HYDIN: variants seen among roughly 807,000 people sequenced by gnomAD.
The protein encoded by HYDIN is axonemal central pair apparatus protein HYDIN.
A neutral mutation model predicts 403.9 loss-of-function variants in HYDIN; 132 were observed. That is an observed-to-expected ratio of 0.33 (90% CI 0.28 to 0.38). The LOEUF is 0.38. Among genes scored for constraint, HYDIN ranks in the 10% least tolerant of loss-of-function variants. The pLI is 1.00. For missense variants in HYDIN, 2,827 were observed against 5,009.5 expected, an observed-to-expected ratio of 0.56 and a Z score of 13.15; for synonymous variants, 1,202 against 1,891.7, an observed-to-expected ratio of 0.64 and a Z score of 9.46.
chr16:71,196,914 T>A (rs1022598956), intron 1 of HYDIN, among the ~76,000 whole-genome samples: 2 of 152,334 alleles, frequency 1.3e-5, no homozygotes, highest in South Asian at 2.1e-4. Context: ...TTGTTTAGCA[T>A]ATAATCAATA....
intron 18 of HYDIN, among the ~76,000 whole-genome samples, chr16:71,038,674 C>A (rs2081181252): frequency 6.6e-6 from 1 of 152,298 alleles, no homozygotes. Context: ...AAAAAAATTT[C>A]TTTTGAGAAG....
At chr16:70,886,780 G>T (rs1327965953) in intron 58 of HYDIN, among the ~76,000 whole-genome samples, 1 of 152,150 alleles carries the variant, frequency 6.6e-6, no homozygotes, top group Non-Finnish European at 1.5e-5. Context: ...GAAATCTGCT[G>T]TCATTCAAGG....
Position 70,974,160 on chromosome 16 carries a change from C to T in HYDIN, c.5037+13G>A, listed in dbSNP as rs112801979. Reference sequence around the variant, plus strand: ...AACCTGCAGGTCCGGGTGGGCCCAGCGGTGCCTTGTACCTTGATGGGCAGA... The same window carrying T: ...AACCTGCAGGTCCGGGTGGGCCCAGTGGTGCCTTGTACCTTGATGGGCAGA... On this transcript the variant is annotated intron_variant, in intron 33 of 85. Coordinates refer to ENST00000393567, the MANE Select transcript of HYDIN (RefSeq NM_001270974.2). 1.2e-5 allele frequency: 18 copies of T among 1,518,536 alleles called. No individual in the cohort carries two copies. The highest frequency in any genetic ancestry group is 1.8e-4 in the Middle Eastern group (1 of 5,542). 94.1% of individuals were successfully genotyped at this position (1,518,536 alleles called of 1,614,324 possible). A position where few individuals can be genotyped will look rare whatever the true frequency, so the allele number is the denominator to read the frequency against.
chr16:71,168,715 A>G (rs1274126540), intron 5 of HYDIN, among the ~76,000 whole-genome samples: 1 of 152,170 alleles, frequency 6.6e-6, no homozygotes, highest in African/African-American at 2.4e-5. Context: ...GCAGGGCAGA[A>G]GGAGGAGGGC....
intron 73 of HYDIN, among the ~76,000 whole-genome samples, chr16:70,853,380 T>C (rs1223018973): frequency 2.0e-5 from 3 of 151,006 alleles, no homozygotes; most frequent in Non-Finnish European, 4.4e-5. Flanking sequence ...TTTTCCCCAG[T>C]GACATGAAGA....
intron 39 of HYDIN, among the ~76,000 whole-genome samples, chr16:70,956,719 C>T (rs1420587679): frequency 3.9e-5 from 6 of 152,266 alleles, no homozygotes; most frequent in African/African-American, 1.2e-4. Flanking sequence ...GACAAGGAAA[C>T]GGATTGTCCC....
chr16:70,845,877 C>A (rs1420741901), intron 75 of HYDIN, among the ~76,000 whole-genome samples: 1 of 141,768 alleles, frequency 7.1e-6, no homozygotes, highest in South Asian at 2.1e-4. Context: ...TCTGTGGGAT[C>A]GGTGGTGATA....
intron 28 of HYDIN, 69 bp from the exon 29 acceptor site, chr16:70,981,637 C>T: frequency 6.9e-7 from 1 of 1,450,350 alleles, no homozygotes; most frequent in Non-Finnish European, 9.1e-7. Flanking sequence ...CATTAAATTA[C>T]TTAAAACAAC....
At chr16:71,189,821 G>A (rs2087340720) in intron 1 of HYDIN, among the ~76,000 whole-genome samples, 2 of 150,906 alleles carry the variant, frequency 1.3e-5, no homozygotes, top group African/African-American at 2.4e-5. Flanking sequence ...AATGAGATAT[G>A]CTGTCAAAAC....
chr16:70,939,393 A>T (rs927431424), intron 43 of HYDIN, among the ~76,000 whole-genome samples: 11 of 152,078 alleles, frequency 7.2e-5, no homozygotes, highest in African/African-American at 2.4e-4. Context: ...ACCACTTCTC[A>T]TTTTCCCCAT....
chr16:71,042,495 AT>A (rs1258310790), intron 18 of HYDIN, among the ~76,000 whole-genome samples: 5 of 151,026 alleles, frequency 3.3e-5, no homozygotes, highest in African/African-American at 1.2e-4. Context: ...TCTTCTCTTC[AT>A]CCTCCCAATA....
intron 23 of HYDIN, among the ~76,000 whole-genome samples, chr16:71,013,839 TG>T (rs1335785382): frequency 4.3e-5 from 5 of 116,986 alleles, no homozygotes; most frequent in African/African-American, 1.4e-4. Flanking sequence ...ATAAATCACC[TG>T]GGAGGCATCC....
chr16:70,948,792 A>C (rs1225482022), intron 41 of HYDIN, among the ~76,000 whole-genome samples: 15 of 151,528 alleles, frequency 9.9e-5, no homozygotes, highest in Admixed American at 3.9e-4. Flanking sequence ...GGCAATCATT[A>C]AAAAGTCAGG....
intron 65 of HYDIN, 56 bp from the exon 66 acceptor site, chr16:70,868,844 T>C: frequency 6.6e-7 from 1 of 1,517,242 alleles, no homozygotes; most frequent in African/African-American, 1.4e-5. Flanking sequence ...GGACTCTTGA[T>C]ACCTGCTGGT....
intron 3 of HYDIN, among the ~76,000 whole-genome samples, chr16:71,181,184 A>G (rs2086885647): frequency 6.6e-6 from 1 of 151,522 alleles, no homozygotes; most frequent in African/African-American, 2.4e-5. Context: ...CTGAAAATTC[A>G]ATGCAATACA....
intron 36 of HYDIN, among the ~76,000 whole-genome samples, chr16:70,968,719 T>C (rs1317064995): frequency 6.6e-6 from 1 of 152,152 alleles, no homozygotes; most frequent in African/African-American, 2.4e-5. Flanking sequence ...TCTCATAACA[T>C]AATACCAAAA....
In HYDIN at chr16:70,860,212, C is replaced by A. The variant is rs749073382; in HGVS notation, c.11991-6G>T. 1.4e-5 allele frequency: 22 copies of A among 1,611,114 alleles called. No individual in the cohort carries two copies. The highest frequency in any genetic ancestry group is 1.8e-5 in the Non-Finnish European group (21 of 1,179,130). On this transcript the variant is annotated splice_region_variant and splice_polypyrimidine_tract_variant and intron_variant, in intron 70 of 85. Transcript: ENST00000393567. ...GGTTTAGGATGGTAAAGGTCCTGGC[C>A]AGGGTGGAGAGAATTGACAGAAGAG...
chr16:71,177,315 T>C (rs1453247499), intron 4 of HYDIN, among the ~76,000 whole-genome samples: 1 of 152,068 alleles, frequency 6.6e-6, no homozygotes, highest in African/African-American at 2.4e-5. Flanking sequence ...CAAAAAGTAA[T>C]ATAGAAAGGG....
At chr16:71,210,549 T>A (rs7190305) in intron 1 of HYDIN, among the ~76,000 whole-genome samples, 67,868 of 151,870 alleles carry the variant, frequency 0.45, 17,141 homozygotes, top group African/African-American at 0.67. Flanking sequence ...AAAAAAAGCT[T>A]TCAGGTACTA....
Sources: allele counts gnomAD v4.1 joint callset (sites outside exome capture counted in the v4.1 genomes callset), GRCh38; gene constraint gnomAD v4.1.1; transcripts MANE v1.5; gene names NCBI Gene and HGNC (gene_info 2026-07-23, HGNC 2026-07-21).